The following PREX2 variants were observed in gnomAD, a reference collection of about 807,000 sequenced individuals.
PREX2 encodes the protein phosphatidylinositol 3,4,5-trisphosphate-dependent Rac exchanger 2 protein.
A neutral mutation model predicts 203.2 loss-of-function variants in PREX2; 107 were observed. The ratio of observed to expected loss-of-function variants is 0.53; its 90% CI spans 0.45 to 0.62. The LOEUF is 0.62. Among genes scored for constraint, PREX2 ranks in the 20% least tolerant of loss-of-function variants. The pLI is 0.00. For synonymous variants in PREX2, 672 were observed against 663.6 expected, an observed-to-expected ratio of 1.01 and a Z score of -0.19; for missense variants, 1,777 against 1,955.9, an observed-to-expected ratio of 0.91 and a Z score of 1.72.
At chr8:68,142,191 G>T (rs1811243699) in intron 33 of PREX2, among the ~76,000 whole-genome samples, 1 of 152,030 alleles carries the variant, frequency 6.6e-6, no homozygotes, top group South Asian at 2.1e-4. Context: ...ACATTCCCTG[G>T]ATCTGGACAA....
At chr8:68,152,581 A>C (rs1811463935) in intron 34 of PREX2, among the ~76,000 whole-genome samples, 1 of 152,140 alleles carries the variant, frequency 6.6e-6, no homozygotes, top group African/African-American at 2.4e-5. Flanking sequence ...AGGATTTCAC[A>C]CACCAACAAT....
chr8:68,190,324 G>A (rs1309649509), intron 35 of PREX2, among the ~76,000 whole-genome samples: 1 of 151,994 alleles, frequency 6.6e-6, no homozygotes, highest in Non-Finnish European at 1.5e-5. Context: ...ATCAAAAATA[G>A]ATACTAGATG....
intron 34 of PREX2, among the ~76,000 whole-genome samples, chr8:68,151,524 G>T (rs1811434956): frequency 1.3e-5 from 2 of 152,148 alleles, no homozygotes; most frequent in African/African-American, 4.8e-5. Context: ...GTTAAGCACG[G>T]TCATTTCTGC....
intron 23 of PREX2, chr8:68,103,764 CATAT>C: frequency 1.9e-6 from 1 of 517,896 alleles, no homozygotes; most frequent in South Asian, 1.4e-5. Context: ...CGTGACCCCA[CATAT>C]GCCTGGTTTT....
At position 67,959,126 on chromosome 8, in the gene PREX2, G is replaced by T. The variant is rs193088062; in HGVS notation, c.141+6591G>T. Among the ~76,000 whole-genome samples, 413 of 152,318 alleles carry T rather than the reference G, an allele frequency of 2.7e-3. 3 individuals are homozygous for T. The highest frequency in any genetic ancestry group is 4.9e-3 in the Non-Finnish European group (333 of 68,034). On this transcript the variant is annotated intron_variant, in intron 1 of 39. Coordinates refer to ENST00000288368, the MANE Select transcript of PREX2 (RefSeq NM_024870.4). ...GTTTAAAGGATAGAGGAAGAGTAGA[G>T]TGTGCAGGTGACTTTGAGCTATCAA... is the stretch of plus-strand genomic sequence containing the variant.
At chr8:68,000,227 C>T (rs187631074) in intron 1 of PREX2, among the ~76,000 whole-genome samples, 5 of 152,262 alleles carry the variant, frequency 3.3e-5, no homozygotes, top group East Asian at 3.9e-4. Context: ...GCTCCTTAAG[C>T]GGATAAACAA....
intron 30 of PREX2, among the ~76,000 whole-genome samples, chr8:68,126,871 GTA>G (rs1563557372): frequency 1.3e-5 from 2 of 151,528 alleles, no homozygotes. Context: ...ATGTGTGTGT[GTA>G]TATATATGTG....
chr8:67,979,376 T>C (rs3922838), intron 1 of PREX2, among the ~76,000 whole-genome samples: 52,401 of 152,070 alleles, frequency 0.34, 9,452 homozygotes, highest in East Asian at 0.61. Flanking sequence ...TTTCCCTTTT[T>C]GTTGCTTTTT....
At chr8:68,097,299 G>T in intron 22 of PREX2, 98 bp downstream of exon 22, 3 of 917,106 alleles carry the variant, frequency 3.3e-6, no homozygotes, top group Non-Finnish European at 4.7e-6. Context: ...AGCTATACAT[G>T]TTGCAGCTGT....
At chr8:68,036,890 A>G (rs538959063) in intron 6 of PREX2, among the ~76,000 whole-genome samples, 4 of 152,328 alleles carry the variant, frequency 2.6e-5, no homozygotes, top group African/African-American at 9.6e-5. Flanking sequence ...TGGCGAGCCA[A>G]TATCGTGCCA....
intron 9 of PREX2, among the ~76,000 whole-genome samples, chr8:68,054,460 G>A (rs992310864): frequency 4.6e-5 from 7 of 151,942 alleles, no homozygotes; most frequent in Non-Finnish European, 7.4e-5. Flanking sequence ...TTATTAGACT[G>A]CAGTCTTAAG....
intron 1 of PREX2, among the ~76,000 whole-genome samples, chr8:67,953,541 TC>T (rs1485006998): frequency 2.6e-5 from 4 of 152,098 alleles, no homozygotes; most frequent in Admixed American, 2.6e-4. Context: ...TCCTTCTCCT[TC>T]CAACAACCAA....
chr8:68,059,645 C>G (rs1185786725), intron 10 of PREX2, among the ~76,000 whole-genome samples: 1 of 152,120 alleles, frequency 6.6e-6, no homozygotes, highest in Non-Finnish European at 1.5e-5. Flanking sequence ...GTCAGAAGTC[C>G]AGGAGAGCTC....
At chr8:68,148,546 A>G (rs1250103633) in intron 34 of PREX2, among the ~76,000 whole-genome samples, 2 of 152,272 alleles carry the variant, frequency 1.3e-5, no homozygotes, top group African/African-American at 4.8e-5. Context: ...ACACATAGGC[A>G]AAAAATTATT....
intron 17 of PREX2, among the ~76,000 whole-genome samples, chr8:68,081,055 G>A (rs766850653): frequency 4.6e-5 from 7 of 152,112 alleles, no homozygotes; most frequent in Non-Finnish European, 1.0e-4. Flanking sequence ...AATAGGGGCC[G>A]GGAGGTGGTG....
intron 35 of PREX2, among the ~76,000 whole-genome samples, chr8:68,189,474 A>G (rs10097711): frequency 0.9 from 137,510 of 152,152 alleles, 62,208 homozygotes; most frequent in East Asian, 1. Flanking sequence ...CACTCCTCTC[A>G]GATTATATCT....
chr8:68,149,432 T>A (rs1811390027), intron 34 of PREX2, among the ~76,000 whole-genome samples: 1 of 152,174 alleles, frequency 6.6e-6, no homozygotes, highest in Non-Finnish European at 1.5e-5. Context: ...GGAAAGTAAG[T>A]GCAAAGCATA....
chr8:67,987,152 C>CAA (rs57315665), intron 1 of PREX2, among the ~76,000 whole-genome samples: 22 of 55,110 alleles, frequency 4.0e-4, no homozygotes, highest in East Asian at 1.6e-3. Context: ...GACTTCATCT[C>CAA]AAAAAAAAAA....
At chr8:68,201,574 CCTG>C (rs376985230) in intron 37 of PREX2, among the ~76,000 whole-genome samples, 6 of 152,114 alleles carry the variant, frequency 3.9e-5, no homozygotes, top group African/African-American at 1.4e-4. Context: ...CGTTCTTCTG[CCTG>C]CTTTTATTTA....
Sources: allele counts gnomAD v4.1 joint callset (sites outside exome capture counted in the v4.1 genomes callset), GRCh38; gene constraint gnomAD v4.1.1; transcripts MANE v1.5; gene names NCBI Gene and HGNC (gene_info 2026-07-23, HGNC 2026-07-21).